The following DOK6 variants were observed in gnomAD, a reference collection of about 807,000 sequenced individuals.
DOK6 encodes docking protein 6, also known as downstream of tyrosine kinase 6.
In DOK6, 22 loss-of-function variants were observed where a neutral mutation model predicts 44.0. The observed-to-expected ratio is 0.50, with a 90% CI of 0.36 to 0.71. The LOEUF (loss-of-function observed/expected upper bound fraction) is 0.71. DOK6 is among the 30% of genes least tolerant of loss of function. The pLI is 0.00. For synonymous variants in DOK6, 166 were observed against 145.5 expected (o/e 1.14, Z -1.01); for missense variants, 340 against 416.4 (o/e 0.82, Z 1.60).
chr18:69,685,805 AT>A (rs2144692303), intron 4 of DOK6, among the ~76,000 whole-genome samples: 1 of 152,310 alleles, frequency 6.6e-6, no homozygotes, highest in African/African-American at 2.4e-5. Flanking sequence ...TTGCGTTATA[AT>A]TTTAACATCT....
At chr18:69,457,447 T>A (rs1300074635) in intron 1 of DOK6, among the ~76,000 whole-genome samples, 2 of 152,172 alleles carry the variant, frequency 1.3e-5, no homozygotes, top group African/African-American at 4.8e-5. Context: ...GTGCTATAGG[T>A]GTGCATTTTT....
chr18:69,618,907 G>A (rs1250755285), intron 3 of DOK6, among the ~76,000 whole-genome samples: 1 of 151,350 alleles, frequency 6.6e-6, no homozygotes, highest in African/African-American at 2.4e-5. Context: ...TTTTTTTTCT[G>A]ATTGTCAAAG....
chr18:69,747,385 C>T (rs1979020016), intron 6 of DOK6, among the ~76,000 whole-genome samples: 1 of 152,086 alleles, frequency 6.6e-6, no homozygotes, highest in Admixed American at 6.6e-5. Flanking sequence ...AGAAAAGCCT[C>T]AAATCAACAA....
At position 69,843,487 on chromosome 18, in the gene DOK6, G is replaced by A. The variant is rs1222483500; in HGVS notation, c.*2104G>A. ...TTGAGCTGTTGCTTAGACACCACAA[G>A]TTTCTACAAGGGACTTATGGGGAAC... On this transcript the variant is annotated 3_prime_UTR_variant, in exon 8 of 8. Coordinates refer to ENST00000382713, the MANE Select transcript of DOK6 (RefSeq NM_152721.6). 6.6e-6 allele frequency: 1 copy of A among 152,242 alleles called. No individual in the cohort carries two copies. The highest frequency in any genetic ancestry group is 1.5e-5 in the Non-Finnish European group (1 of 68,044). 9.4% of individuals were successfully genotyped at this position (152,242 alleles called of 1,614,324 possible).
At chr18:69,409,455 A>G (rs553732240) in intron 1 of DOK6, among the ~76,000 whole-genome samples, 10 of 152,366 alleles carry the variant, frequency 6.6e-5, no homozygotes, top group African/African-American at 2.2e-4. Flanking sequence ...ACATATATAC[A>G]TATATAATGT....
At chr18:69,786,228 C>T (rs973883493) in intron 7 of DOK6, among the ~76,000 whole-genome samples, 1 of 152,076 alleles carries the variant, frequency 6.6e-6, no homozygotes, top group African/African-American at 2.4e-5. Context: ...CCTATATTCT[C>T]AGAAAACAAC....
At chr18:69,742,663 C>T (rs1978845829) in intron 6 of DOK6, among the ~76,000 whole-genome samples, 1 of 152,172 alleles carries the variant, frequency 6.6e-6, no homozygotes, top group South Asian at 2.1e-4. Flanking sequence ...GAGTACCCTG[C>T]ACAGTGGTAC....
rs534770717 is a variant in DOK6, at chr18:69,650,197, TA to T, written c.290-27528del. 4.0e-3 allele frequency among the ~76,000 whole-genome samples: 602 copies of T among 151,416 alleles called. 4 individuals are homozygous for T. Among genetic ancestry groups the T allele is most frequent in the Non-Finnish European group, 6.5e-3 (443 of 67,766 alleles). On this transcript the variant is annotated intron_variant, in intron 3 of 7. Coordinates refer to ENST00000382713, the MANE Select transcript of DOK6 (RefSeq NM_152721.6). ...GGATTTTCTATGAAATTATCATCTT[TA>T]AAAAAAAACGTGGTTGGTTGATTTT... is the stretch of plus-strand genomic sequence containing the variant.
intron 6 of DOK6, among the ~76,000 whole-genome samples, chr18:69,750,960 A>T (rs1439125415): frequency 1.3e-5 from 2 of 152,224 alleles, no homozygotes; most frequent in Non-Finnish European, 2.9e-5. Context: ...TTGCAGCAAC[A>T]TAGATGGAAT....
chr18:69,646,606 G>A (rs1985079655), intron 3 of DOK6, among the ~76,000 whole-genome samples: 1 of 152,160 alleles, frequency 6.6e-6, no homozygotes, highest in Non-Finnish European at 1.5e-5. Context: ...CCATTTGGTG[G>A]AGAAGGGCTG....
At chr18:69,465,643 T>C (rs1025069307) in intron 1 of DOK6, among the ~76,000 whole-genome samples, 1 of 151,122 alleles carries the variant, frequency 6.6e-6, no homozygotes, top group African/African-American at 2.4e-5. Context: ...AACTCATCAT[T>C]TTTTATGGCT....
At chr18:69,410,635 G>A (rs1013414162) in intron 1 of DOK6, among the ~76,000 whole-genome samples, 2 of 152,176 alleles carry the variant, frequency 1.3e-5, no homozygotes, top group Admixed American at 1.3e-4. Flanking sequence ...TAACGAACGT[G>A]AGTAAATCCT....
intron 7 of DOK6, among the ~76,000 whole-genome samples, chr18:69,817,793 C>A (rs1024914641): frequency 1.3e-5 from 2 of 152,092 alleles, no homozygotes; most frequent in Non-Finnish European, 2.9e-5. Context: ...GGAGTGTAGT[C>A]CAAGATGCCA....
At chr18:69,587,896 A>G (rs1983542632) in intron 2 of DOK6, among the ~76,000 whole-genome samples, 1 of 152,098 alleles carries the variant, frequency 6.6e-6, no homozygotes, top group Admixed American at 6.6e-5. Flanking sequence ...CTGTTTTATC[A>G]TAGACAGTCT....
rs117014164 is a variant in DOK6, at chr18:69,820,385, C to T, written c.857-20859C>T. ...TCAGAAGAAAGCAAAAAGCAGAATC[C>T]CAAATAATTTTTCCTAGTAATACAC... On this transcript the variant is annotated intron_variant, in intron 7 of 7. Coordinates refer to ENST00000382713, the MANE Select transcript of DOK6 (RefSeq NM_152721.6). Among the ~76,000 whole-genome samples, 676 of 152,156 alleles carry T rather than the reference C, an allele frequency of 4.4e-3. 3 individuals carry two copies. The highest frequency in any genetic ancestry group is 7.4e-3 in the Non-Finnish European group (500 of 68,004).
At chr18:69,705,633 C>T (rs916008187) in intron 5 of DOK6, among the ~76,000 whole-genome samples, 1 of 152,182 alleles carries the variant, frequency 6.6e-6, no homozygotes, top group Non-Finnish European at 1.5e-5. Context: ...TTAATCTGCT[C>T]TTTTCCTTGA....
chr18:69,636,609 T>A (rs539109268), intron 3 of DOK6, among the ~76,000 whole-genome samples: 1 of 152,254 alleles, frequency 6.6e-6, no homozygotes, highest in Non-Finnish European at 1.5e-5. Flanking sequence ...ACCAGAGTTG[T>A]TTGCCTTGGG....
At chr18:69,722,993 A>C (rs1170202815) in intron 5 of DOK6, among the ~76,000 whole-genome samples, 1 of 152,220 alleles carries the variant, frequency 6.6e-6, no homozygotes. Flanking sequence ...CCAGAGAAAA[A>C]TCCATAAAGT....
At chr18:69,434,970 A>C (rs1978916822) in intron 1 of DOK6, among the ~76,000 whole-genome samples, 2 of 142,052 alleles carry the variant, frequency 1.4e-5, no homozygotes, top group Non-Finnish European at 3.1e-5. Flanking sequence ...GAAGGAAGGA[A>C]GGAAGGAAGG....
Sources: gnomAD v4.1 joint callset for allele counts (sites outside exome capture counted in the v4.1 genomes callset) on GRCh38, gnomAD v4.1.1 for gene constraint, MANE v1.5 for transcripts, NCBI Gene and HGNC (gene_info 2026-07-23, HGNC 2026-07-21) for gene names.